NHSL1: variants seen among roughly 807,000 people sequenced by gnomAD.
NHSL1 encodes NHS-like protein 1.
Under a neutral mutation model 95.0 loss-of-function variants are expected in NHSL1, and 48 were observed. The ratio of observed to expected loss-of-function variants is 0.51; its 90% CI spans 0.40 to 0.64. The LOEUF is 0.64. Among genes scored for constraint, NHSL1 ranks in the 30% least tolerant of loss-of-function variants. NHSL1 has a pLI of 0.00. For missense variants in NHSL1, 1,971 were observed against 2,077.7 expected, an observed-to-expected ratio of 0.95 and a Z score of 1.00; for synonymous variants, 783 against 833.9, an observed-to-expected ratio of 0.94 and a Z score of 1.05.
At chr6:138,581,954 G>C (rs1244212937) in intron 1 of NHSL1, among the ~76,000 whole-genome samples, 1 of 146,120 alleles carries the variant, frequency 6.8e-6, no homozygotes, top group Admixed American at 7.0e-5. Flanking sequence ...CTGGAGTGCA[G>C]TGGCGCGATC....
At position 138,432,816 on chromosome 6, in the gene NHSL1, T is replaced by C. The variant is rs1775796345; in HGVS notation, c.1529A>G (p.Glu510Gly). The change falls in exon 6 of 8, where the codon GAG becomes GGG. Residue 510 changes from glutamate to glycine, a missense_variant. By Grantham distance (98) the Glu-to-Gly change is moderately conservative. This residue lies in a region of NHSL1 where 1,602 missense variants were observed against 1,654.5 expected (regional missense o/e 0.97). Coordinates refer to ENST00000343505, the MANE Select transcript of NHSL1 (RefSeq NM_001144060.2). The surrounding 1 kb of genome is among the most constrained non-coding windows in gnomAD (Gnocchi z 4.4). ...AVPLNAPANR[E>G]NGSQAMPYNC... ...ATACGGCATAGCTTGGGACCCATTC[T>C]CCCTATTTGCTGGAGCATTTAGAGG... The C allele has an allele frequency of 1.3e-6, 2 of 1,551,624 alleles. No homozygotes were observed. The highest frequency in any genetic ancestry group is 1.4e-5 in the African/African-American group (1 of 73,140).
At chr6:138,689,472 G>A (rs1002495899) in intron 1 of NHSL1, among the ~76,000 whole-genome samples, 1 of 152,196 alleles carries the variant, frequency 6.6e-6, no homozygotes, top group Non-Finnish European at 1.5e-5. Flanking sequence ...ATACCTCTCA[G>A]GATCATTGAG....
At chr6:138,529,682 C>T (rs1321352790) in intron 1 of NHSL1, among the ~76,000 whole-genome samples, 1 of 152,186 alleles carries the variant, frequency 6.6e-6, no homozygotes, top group Non-Finnish European at 1.5e-5. Context: ...CAGTCTCCTA[C>T]TGCTCCCTCT....
intron 2 of NHSL1, among the ~76,000 whole-genome samples, chr6:138,487,534 G>C (rs1255384589): frequency 6.6e-6 from 1 of 152,236 alleles, no homozygotes; most frequent in African/African-American, 2.4e-5. Context: ...ATCCCAGTTT[G>C]TCAGGACTTA....
At chr6:138,585,618 A>G (rs897254702) in intron 1 of NHSL1, among the ~76,000 whole-genome samples, 3 of 152,020 alleles carry the variant, frequency 2.0e-5, no homozygotes, top group Non-Finnish European at 4.4e-5. Flanking sequence ...AGTTTGTTTC[A>G]CTGGTAATTT....
chr6:138,561,609 T>C (rs1783413346), intron 1 of NHSL1, among the ~76,000 whole-genome samples: 1 of 152,206 alleles, frequency 6.6e-6, no homozygotes, highest in Non-Finnish European at 1.5e-5. Flanking sequence ...CAGTGTGAGT[T>C]ACTCAGAAGG....
At chr6:138,547,027 C>T (rs1782826171), upstream of NHSL1, among the ~76,000 whole-genome samples, 1 of 152,194 alleles carries the variant, frequency 6.6e-6, no homozygotes, top group African/African-American at 2.4e-5. Flanking sequence ...TTCACAGGAC[C>T]CGTTGCTGTT....
In NHSL1 at chr6:138,432,698, G is replaced by A; in HGVS notation, c.1647C>T (p.Ser549=). ...AGGATTTGTATTCCCAGGGCTCCGAGCTGCTGTGCCCTCCGCCCCCTGAAT... is the reference window on the plus strand; with the variant it reads ...AGGATTTGTATTCCCAGGGCTCCGAACTGCTGTGCCCTCCGCCCCCTGAAT... ...SSYSGGGGHS[S]SEPWEYKSSG... is the part of the protein sequence containing the mutation. The change falls in exon 6 of 8, where the codon AGC becomes AGT. Residue 549 remains serine, a synonymous_variant. Transcript: ENST00000343505. The surrounding 1 kb of genome is among the most constrained non-coding windows in gnomAD (Gnocchi z 4.4). 6.4e-7 allele frequency: 1 copy of A among 1,551,632 alleles called. No individual in the cohort carries two copies. The highest frequency in any genetic ancestry group is 1.2e-5 in the South Asian group (1 of 84,060).
intron 1 of NHSL1, among the ~76,000 whole-genome samples, chr6:138,666,704 T>C (rs1785300160): frequency 6.6e-6 from 1 of 151,982 alleles, no homozygotes; most frequent in Non-Finnish European, 1.5e-5. Context: ...ATATATAATA[T>C]GATCCCAGTC....
intron 1 of NHSL1, among the ~76,000 whole-genome samples, chr6:138,688,348 T>G (rs1170430557): frequency 6.6e-6 from 1 of 150,850 alleles, no homozygotes; most frequent in South Asian, 2.1e-4. Context: ...ACACAGGGCT[T>G]AAAAATAAAA....
intron 1 of NHSL1, among the ~76,000 whole-genome samples, chr6:138,686,134 T>C (rs931137461): frequency 1.3e-5 from 2 of 152,200 alleles, no homozygotes; most frequent in African/African-American, 4.8e-5. Flanking sequence ...ATAACATGTA[T>C]TGCATACTTG....
At chr6:138,442,491 A>G (rs1386733029) in intron 4 of NHSL1, among the ~76,000 whole-genome samples, 2 of 152,214 alleles carry the variant, frequency 1.3e-5, no homozygotes, top group African/African-American at 2.4e-5. Flanking sequence ...GATGGTAATG[A>G]GTATGTTTCA....
chr6:138,691,827 G>A (rs1366774033), intron 1 of NHSL1: 1 of 447,534 alleles, frequency 2.2e-6, no homozygotes, highest in Non-Finnish European at 4.5e-6. Context: ...AAAGATGAAT[G>A]GGATTCAGAG....
At chr6:138,618,721 C>T (rs896480313) in intron 1 of NHSL1, among the ~76,000 whole-genome samples, 9 of 152,142 alleles carry the variant, frequency 5.9e-5, no homozygotes, top group Non-Finnish European at 1.0e-4. Flanking sequence ...GAATCATCTG[C>T]TCTTTCAAAA....
At chr6:138,591,603 T>G (rs532315018) in intron 1 of NHSL1, among the ~76,000 whole-genome samples, 2 of 152,254 alleles carry the variant, frequency 1.3e-5, no homozygotes, top group Non-Finnish European at 2.9e-5. Flanking sequence ...TGTTGTTGTT[T>G]GTTTGTTTTC....
intron 3 of NHSL1, among the ~76,000 whole-genome samples, chr6:138,472,715 T>C (rs1032895839): frequency 6.6e-6 from 1 of 152,096 alleles, no homozygotes; most frequent in East Asian, 1.9e-4. Context: ...AAATTACTTA[T>C]CTTAAGTGGT....
chr6:138,607,925 T>C (rs537105077), intron 1 of NHSL1, among the ~76,000 whole-genome samples: 49 of 152,296 alleles, frequency 3.2e-4, no homozygotes, highest in African/African-American at 1.2e-3. Flanking sequence ...TTTTGGACCT[T>C]AGAGGTCCTC....
chr6:138,472,243 A>C (rs969949275), intron 3 of NHSL1, among the ~76,000 whole-genome samples: 8 of 152,194 alleles, frequency 5.3e-5, no homozygotes, highest in African/African-American at 1.7e-4. Flanking sequence ...TGAAGATCAA[A>C]AATTTAAGGT....
chr6:138,621,674 T>C (rs1451388849), intron 1 of NHSL1, among the ~76,000 whole-genome samples: 4 of 152,196 alleles, frequency 2.6e-5, no homozygotes, highest in African/African-American at 9.7e-5. Flanking sequence ...TTCACCATGT[T>C]GGCCAGGCTG....
Sources: allele counts gnomAD v4.1 joint callset (sites outside exome capture counted in the v4.1 genomes callset), GRCh38; gene constraint gnomAD v4.1.1; regional missense constraint gnomAD v4.1.1; non-coding constraint Gnocchi (gnomAD v3.1); transcripts MANE v1.5; gene names NCBI Gene and HGNC (gene_info 2026-07-23, HGNC 2026-07-21).